ALG14: variants seen among roughly 807,000 people sequenced by gnomAD.
The protein encoded by ALG14 is ALG14 UDP-N-acetylglucosaminyltransferase subunit.
ALG14 carries 17 observed loss-of-function variants against 22.8 expected under a neutral mutation model. The ratio of observed to expected loss-of-function variants is 0.75; its 90% CI spans 0.51 to 1.12. ALG14 has a LOEUF of 1.12. Ranked by LOEUF, ALG14 falls within the 50% of genes most tolerant of loss-of-function variation. The pLI is 0.00. For missense variants in ALG14, 288 were observed against 271.8 expected (o/e 1.06, Z -0.42); for synonymous variants, 89 against 103.7 (o/e 0.86, Z 0.86).
chr1:95,044,813 C>G (rs1441867842), intron 2 of ALG14, among the ~76,000 whole-genome samples: 4 of 152,042 alleles, frequency 2.6e-5, no homozygotes, highest in Non-Finnish European at 5.9e-5. Flanking sequence ...TGTATCCCAA[C>G]TATCTATAAT....
intron 2 of ALG14, among the ~76,000 whole-genome samples, chr1:95,059,552 T>C (rs1216710829): frequency 6.6e-6 from 1 of 152,008 alleles, no homozygotes; most frequent in African/African-American, 2.4e-5. Flanking sequence ...AGTTATTTTG[T>C]TTCTATGTTA....
At chr1:95,053,049 G>C (rs577575098) in intron 2 of ALG14, among the ~76,000 whole-genome samples, 1 of 151,964 alleles carries the variant, frequency 6.6e-6, no homozygotes, top group Non-Finnish European at 1.5e-5. Flanking sequence ...GAAATCTAAC[G>C]CATCAGTAAT....
intron 2 of ALG14, among the ~76,000 whole-genome samples, chr1:95,053,742 T>C (rs1187205523): frequency 1.3e-5 from 2 of 152,150 alleles, no homozygotes; most frequent in Non-Finnish European, 2.9e-5. Flanking sequence ...TCTCTCTTAC[T>C]GAATAGATCA....
chr1:95,011,049 A>G (rs1305591355), intron 3 of ALG14, among the ~76,000 whole-genome samples: 1 of 152,200 alleles, frequency 6.6e-6, no homozygotes, highest in East Asian at 1.9e-4. Context: ...CAGAAAGTCA[A>G]CTCAAGAAAA....
chr1:95,043,028 A>C (rs60555923), intron 2 of ALG14, among the ~76,000 whole-genome samples: 7,130 of 152,174 alleles, frequency 0.047, 227 homozygotes, highest in South Asian at 0.088. Flanking sequence ...TTTATTGCTG[A>C]AATCAAAATT....
At chr1:95,020,734 G>C (rs1428192188) in intron 3 of ALG14, among the ~76,000 whole-genome samples, 1 of 99,438 alleles carries the variant, frequency 1.0e-5, no homozygotes, top group Admixed American at 1.0e-4. Flanking sequence ...GCAAAACTCC[G>C]TCTCAAAAAA....
chr1:95,052,854 C>T (rs1266370596), intron 2 of ALG14, among the ~76,000 whole-genome samples: 1 of 98,568 alleles, frequency 1.0e-5, no homozygotes, highest in African/African-American at 3.4e-5. Context: ...AAGACTGCAT[C>T]TCGAAAAAAA....
chr1:95,072,613 G>T, intron 1 of ALG14, 150 bp downstream of exon 1: 1 of 1,178,952 alleles, frequency 8.5e-7, no homozygotes, highest in South Asian at 1.6e-5. Context: ...ACCCTGGCTG[G>T]ACTGCCCGGT....
chr1:95,035,829 A>G (rs879850175), intron 2 of ALG14: 4 of 152,232 alleles, frequency 2.6e-5, no homozygotes, highest in Non-Finnish European at 4.4e-5. Flanking sequence ...GTTACCACAC[A>G]CTGAAACATA....
Position 95,072,900 on chromosome 1 carries a change from C to T in ALG14, c.-2G>A, listed in dbSNP as rs1337263812. 6.2e-7 allele frequency: 1 copy of T among 1,613,902 alleles called. No homozygotes were observed. The highest frequency in any genetic ancestry group is 2.2e-5 in the East Asian group (1 of 44,862). ...AGCTAGAACGAGAACGCACACCATG[C>T]AGAGAAACGGCGCATGCGTCCAACT... On this transcript the variant is annotated 5_prime_UTR_variant, in exon 1 of 4. Transcript: ENST00000370205.
chr1:95,036,419 C>CTTTTTTTTTTTTT (rs35068075), intron 2 of ALG14, among the ~76,000 whole-genome samples: 1 of 71,860 alleles, frequency 1.4e-5, no homozygotes, highest in Non-Finnish European at 2.4e-5. Flanking sequence ...AATTAAACCT[C>CTTTTTTTTTTTTT]TTTTTTTTTT....
chr1:95,063,393 T>G (rs181887875), intron 2 of ALG14, among the ~76,000 whole-genome samples: 84 of 152,298 alleles, frequency 5.5e-4, no homozygotes, highest in Admixed American at 1.8e-3. Context: ...ATACTACTGC[T>G]TAGATTTTCT....
chr1:95,035,701 G>C (rs1674163729), intron 2 of ALG14: 1 of 152,178 alleles, frequency 6.6e-6, no homozygotes, highest in Non-Finnish European at 1.5e-5. Context: ...CTTTAGATTT[G>C]TGAAAACTAA....
intron 1 of ALG14, among the ~76,000 whole-genome samples, chr1:95,068,360 C>CA (rs1179395626): frequency 1.3e-5 from 2 of 152,072 alleles, no homozygotes; most frequent in Non-Finnish European, 2.9e-5. Flanking sequence ...GATCTCGGCT[C>CA]ACGGCAACCT....
intron 2 of ALG14, among the ~76,000 whole-genome samples, chr1:95,052,857 GA>G (rs57458273): frequency 0.6 from 71,390 of 119,200 alleles, 19,879 homozygotes; most frequent in East Asian, 0.75. Flanking sequence ...ACTGCATCTC[GA>G]AAAAAAAAAA....
rs947172474 is a variant in ALG14, at chr1:94,975,145, T to C, written c.*7931A>G. 1.3e-5 allele frequency: 2 copies of C among 152,174 alleles called. No individual in the cohort carries two copies. Among genetic ancestry groups the C allele is most frequent in the Admixed American group, 1.3e-4 (2 of 15,268 alleles). The allele number at this position is 152,174 out of a possible 1,614,324, so 9.4% of individuals were successfully genotyped here. On this transcript the variant is annotated 3_prime_UTR_variant, in exon 4 of 4. Coordinates refer to ENST00000370205, the MANE Select transcript of ALG14 (RefSeq NM_144988.4). ...AAAGAAGCCTCATACCCATTAGGAG[T>C]TGCCCTCCATTTCCCCTTCTCACTG...
chr1:95,060,622 A>G (rs1416739595), intron 2 of ALG14, among the ~76,000 whole-genome samples: 5 of 151,688 alleles, frequency 3.3e-5, no homozygotes, highest in Admixed American at 2.6e-4. Context: ...AGGCTGAGGC[A>G]GGAGAATCGC....
At chr1:95,046,066 G>T (rs1232321641) in intron 2 of ALG14, among the ~76,000 whole-genome samples, 1 of 151,128 alleles carries the variant, frequency 6.6e-6, no homozygotes, top group African/African-American at 2.4e-5. Context: ...CAGTATTGCT[G>T]GCTTGAGTAA....
intron 3 of ALG14, among the ~76,000 whole-genome samples, chr1:95,016,607 C>A (rs190495878): frequency 1.8e-3 from 281 of 152,240 alleles, no homozygotes; most frequent in African/African-American, 6.5e-3. Context: ...ACAGCAATGG[C>A]AGCTCCAGGA....
Sources: gnomAD v4.1 joint callset for allele counts (sites outside exome capture counted in the v4.1 genomes callset) on GRCh38, gnomAD v4.1.1 for gene constraint, MANE v1.5 for transcripts, NCBI Gene and HGNC (gene_info 2026-07-23, HGNC 2026-07-21) for gene names.